PHF12: variants seen among roughly 807,000 people sequenced by gnomAD.
PHF12 encodes PHD factor 1.
A neutral mutation model predicts 99.8 loss-of-function variants in PHF12; 6 were observed. That is an observed-to-expected ratio of 0.06 (90% CI 0.03 to 0.12). PHF12 has a LOEUF of 0.12. PHF12 is among the 10% of genes least tolerant of loss of function. The pLI is 1.00. For missense variants in PHF12, 954 were observed against 1,300.1 expected (o/e 0.73, Z 4.09); for synonymous variants, 480 against 514.9 (o/e 0.93, Z 0.92).
At chr17:28,923,310 T>A (rs929140406) in intron 4 of PHF12, among the ~76,000 whole-genome samples, 1 of 151,414 alleles carries the variant, frequency 6.6e-6, no homozygotes, top group Non-Finnish European at 1.5e-5. Flanking sequence ...TTGTAGCCCT[T>A]AATATTTTTT....
At chr17:28,921,914 T>C (rs2040173778) in intron 4 of PHF12, 106 bp from the exon 5 acceptor site, 7 of 1,488,552 alleles carry the variant, frequency 4.7e-6, no homozygotes, top group South Asian at 2.6e-5. Flanking sequence ...GCATGTGTCA[T>C]GGCCTAAGCA....
At chr17:28,937,524 G>A (rs1241084434) in intron 2 of PHF12, among the ~76,000 whole-genome samples, 1 of 152,220 alleles carries the variant, frequency 6.6e-6, no homozygotes, top group Admixed American at 6.5e-5. Flanking sequence ...ATGCCCCATT[G>A]AGAAACTTAG....
intron 2 of PHF12, among the ~76,000 whole-genome samples, chr17:28,940,340 C>A (rs2040591171): frequency 2.0e-5 from 3 of 152,188 alleles, no homozygotes; most frequent in Admixed American, 1.3e-4. Flanking sequence ...GTTTAGTGAG[C>A]ATTTATGTAG....
At chr17:28,910,682 C>T in intron 10 of PHF12, 1 of 439,254 alleles carries the variant, frequency 2.3e-6, no homozygotes, top group Non-Finnish European at 4.1e-6. Flanking sequence ...GCCTGGATGT[C>T]TGATATTGAG....
At chr17:28,908,971 G>T in intron 11 of PHF12, 90 bp from the exon 12 acceptor site, 1 of 1,228,152 alleles carries the variant, frequency 8.1e-7, no homozygotes, top group Non-Finnish European at 1.2e-6. Context: ...TTTGGCTCAT[G>T]GCCTGGAGAA....
intron 10 of PHF12, 110 bp from the exon 11 acceptor site, chr17:28,910,479 G>A (rs578162636): frequency 7.6e-7 from 1 of 1,307,828 alleles, no homozygotes; most frequent in East Asian, 2.4e-5. Flanking sequence ...CCAGCCAAGT[G>A]ATTTTTACTC....
rs2152657654 is a variant in PHF12, at chr17:28,912,521, T to C, written c.2050A>G (p.Thr684Ala). 1 of 1,609,406 alleles carries C rather than the reference T, an allele frequency of 6.2e-7. No homozygotes were observed. Among genetic ancestry groups the C allele is most frequent in the Non-Finnish European group, 8.5e-7 (1 of 1,176,182 alleles). ...QAAGDGILAT[T>A]ANQRFSSPAP... ...GGTGAGCTGAATCGTTGGTTGGCTG[T>C]TGTGGCCAAGATACCATCTCCTGCT... is the stretch of plus-strand genomic sequence containing the variant. The change falls in exon 9 of 15, where the codon ACA becomes GCA. Residue 684 changes from threonine (T) to alanine (A), a missense_variant. Physicochemically the swap from Thr to Ala is moderately conservative, Grantham distance 58 (BLOSUM62 0). Coordinates refer to ENST00000332830, the MANE Select transcript of PHF12 (RefSeq NM_001033561.2).
In PHF12 at chr17:28,949,902, C is replaced by G; in HGVS notation, c.248+163G>C. The G allele has an allele frequency of 2.5e-6, 2 of 789,692 alleles. No individual in the cohort carries two copies. The highest frequency in any genetic ancestry group is 3.9e-6 in the Non-Finnish European group (2 of 512,136). 48.9% of individuals were successfully genotyped at this position (789,692 alleles called of 1,614,324 possible). ...GCTCCTCCCCGCTAAACTGCCAGAA[C>G]CCGGCGGACACCTGGGGGCGGGGAG... is the stretch of plus-strand genomic sequence containing the variant. On this transcript the variant is annotated intron_variant, in intron 2 of 14. Transcript: ENST00000332830. The surrounding 1 kb of genome is among the most constrained non-coding windows in gnomAD (Gnocchi z 4.6).
At chr17:28,923,594 G>C (rs2040205170) in intron 4 of PHF12, among the ~76,000 whole-genome samples, 1 of 133,444 alleles carries the variant, frequency 7.5e-6, no homozygotes, top group African/African-American at 2.9e-5. Flanking sequence ...GGAGGCGGAG[G>C]TTGCAATGAG....
chr17:28,951,518 C>T lies in PHF12; in HGVS notation c.-558G>A, dbSNP rs1010087021. ...CAGGCGCCCCGGGATCGGCGCTCGCCGCGCGCAACCGCAGTGACAGCCGGC... is the reference window on the plus strand; with the variant it reads ...CAGGCGCCCCGGGATCGGCGCTCGCTGCGCGCAACCGCAGTGACAGCCGGC... On this transcript the variant is annotated 5_prime_UTR_variant, in exon 1 of 15. Coordinates refer to ENST00000332830, the MANE Select transcript of PHF12 (RefSeq NM_001033561.2). The T allele has an allele frequency of 2.0e-6, 2 of 983,112 alleles. No individual in the cohort carries two copies. Among genetic ancestry groups the T allele is most frequent in the African/African-American group, 1.8e-5 (1 of 56,512 alleles). 60.9% of individuals were successfully genotyped at this position (983,112 alleles called of 1,614,324 possible). A position where few individuals can be genotyped will look rare whatever the true frequency, so the allele number is the denominator to read the frequency against.
chr17:28,933,734 A>C (rs1036253889), intron 2 of PHF12, among the ~76,000 whole-genome samples: 1 of 152,166 alleles, frequency 6.6e-6, no homozygotes, highest in African/African-American at 2.4e-5. Flanking sequence ...CAAAGCAAAC[A>C]AATTATCATC....
At chr17:28,923,660 A>AAAAAAAAAAAAAAAAAAAAAAAAAAG (rs2040209694) in intron 4 of PHF12, among the ~76,000 whole-genome samples, 1 of 136,472 alleles carries the variant, frequency 7.3e-6, no homozygotes, top group African/African-American at 2.7e-5. Context: ...TCACAAAAAA[A>AAAAAAAAAAAAAAAAAAAAAAAAAAG]AAAAAAAAAA....
rs549276499 is a variant in PHF12, at chr17:28,938,909, T to C, written c.248+11156A>G. ...GCCATGATTTTCCCCTTTGGTCCAC[T>C]TTTCTTTCAGATGGTCCCTAACCAA... On this transcript the variant is annotated intron_variant, in intron 2 of 14. Coordinates refer to ENST00000332830, the MANE Select transcript of PHF12 (RefSeq NM_001033561.2). 4.6e-5 allele frequency among the ~76,000 whole-genome samples: 7 copies of C among 152,316 alleles called. No homozygotes were observed. In the East Asian group the frequency reaches 1.3e-3, roughly 29 times the overall value.
chr17:28,906,631 GAGGA>G lies in PHF12; in HGVS notation c.2681-118_2681-115del. ...CCATTCCAACTGCTGCATGACTAGGGAGGAAGGATGCTCAGAAAGGGTTGGTGGA... is the reference window on the plus strand; with the variant it reads ...CCATTCCAACTGCTGCATGACTAGGGAGGATGCTCAGAAAGGGTTGGTGGA... On this transcript the variant is annotated intron_variant, in intron 14 of 14. Coordinates refer to ENST00000332830, the MANE Select transcript of PHF12 (RefSeq NM_001033561.2). This position sits in a 1 kb window ranked among gnomAD's most constrained non-coding sequence, Gnocchi z 4.2. 5 of 1,292,640 alleles carry G rather than the reference GAGGA, an allele frequency of 3.9e-6. No individual in the cohort carries two copies. The highest frequency in any genetic ancestry group is 5.3e-6 in the Non-Finnish European group (5 of 944,440). 80.1% of individuals were successfully genotyped at this position (1,292,640 alleles called of 1,614,324 possible). A position where few individuals can be genotyped will look rare whatever the true frequency, so the allele number is the denominator to read the frequency against.
intron 2 of PHF12, among the ~76,000 whole-genome samples, chr17:28,932,684 G>A (rs145251677): frequency 2.6e-3 from 393 of 152,152 alleles, no homozygotes; most frequent in Non-Finnish European, 4.3e-3. Context: ...GGTGGCTCAC[G>A]CCTGTAATCC....
intron 11 of PHF12, chr17:28,909,114 G>A: frequency 3.8e-6 from 2 of 527,156 alleles, no homozygotes; most frequent in Non-Finnish European, 3.4e-6. Context: ...GGTCAGAGAA[G>A]TCAGAGATGA....
At chr17:28,919,771 A>C (rs1030786508) in intron 5 of PHF12, among the ~76,000 whole-genome samples, 1 of 152,118 alleles carries the variant, frequency 6.6e-6, no homozygotes, top group African/African-American at 2.4e-5. Flanking sequence ...CAACAAAACA[A>C]AAAAACAACA....
intron 2 of PHF12, among the ~76,000 whole-genome samples, chr17:28,932,369 A>G (rs971614902): frequency 3.3e-5 from 5 of 152,118 alleles, no homozygotes; most frequent in African/African-American, 1.2e-4. Flanking sequence ...CCTGGGCTCA[A>G]ATGGTCCGCT....
At chr17:28,915,456 A>G (rs2040044643) in intron 7 of PHF12, among the ~76,000 whole-genome samples, 1 of 152,128 alleles carries the variant, frequency 6.6e-6, no homozygotes, top group African/African-American at 2.4e-5. Flanking sequence ...TATCTGTGGG[A>G]TGGGCAGGCA....
Sources: allele counts gnomAD v4.1 joint callset (sites outside exome capture counted in the v4.1 genomes callset), GRCh38; gene constraint gnomAD v4.1.1; non-coding constraint Gnocchi (gnomAD v3.1); transcripts MANE v1.5; gene names NCBI Gene and HGNC (gene_info 2026-07-23, HGNC 2026-07-21).